The following UBE2G1 variants were observed in gnomAD, a reference collection of about 807,000 sequenced individuals.
The protein encoded by UBE2G1 is ubiquitin-conjugating enzyme E2 G1.
UBE2G1 carries 5 observed loss-of-function variants against 22.7 expected under a neutral mutation model. That is an observed-to-expected ratio of 0.22 (90% CI 0.12 to 0.46). The LOEUF (loss-of-function observed/expected upper bound fraction) is 0.46. Ranked by LOEUF, UBE2G1 falls within the 20% of genes least tolerant of loss-of-function variation. UBE2G1 has a pLI of 0.99. For synonymous variants in UBE2G1, 74 were observed against 67.5 expected (o/e 1.10, Z -0.47); for missense variants, 88 against 203.9 (o/e 0.43, Z 3.46).
intron 1 of UBE2G1, among the ~76,000 whole-genome samples, chr17:4,336,629 T>C (rs976054941): frequency 6.6e-6 from 1 of 151,998 alleles, no homozygotes; most frequent in Non-Finnish European, 1.5e-5. Context: ...CAGGTTCAAG[T>C]GATTCTCCTG....
intron 4 of UBE2G1, among the ~76,000 whole-genome samples, chr17:4,284,819 CTTTTCTTTTCTTTTCTTTCTTT>C: frequency 1.8e-5 from 1 of 56,670 alleles, no homozygotes; most frequent in African/African-American, 7.4e-5. Context: ...TTTTCTTTTT[CTTTTCTTTTCTTTTCTTTCTTT>C]TTTTTTTTTT....
chr17:4,294,743 C>T (rs947315068), intron 3 of UBE2G1, among the ~76,000 whole-genome samples: 5 of 151,874 alleles, frequency 3.3e-5, no homozygotes, highest in Admixed American at 6.6e-5. Context: ...GGTGAAACCC[C>T]GTCTTTACAA....
chr17:4,358,563 C>T (rs896309677), intron 1 of UBE2G1, among the ~76,000 whole-genome samples: 4 of 152,092 alleles, frequency 2.6e-5, no homozygotes, highest in Non-Finnish European at 4.4e-5. Context: ...TCTTTGCATC[C>T]TCTTAACAGT....
At chr17:4,344,783 C>T (rs1345306649) in intron 1 of UBE2G1, among the ~76,000 whole-genome samples, 1 of 152,062 alleles carries the variant, frequency 6.6e-6, no homozygotes, top group Non-Finnish European at 1.5e-5. Flanking sequence ...ATCACTTGAG[C>T]CCAGGGGTTT....
chr17:4,350,734 A>G (rs1969835060), intron 1 of UBE2G1, among the ~76,000 whole-genome samples: 1 of 152,064 alleles, frequency 6.6e-6, no homozygotes, highest in Admixed American at 6.6e-5. Flanking sequence ...AATCCAGCTC[A>G]TTTAAAAATA....
chr17:4,286,213 T>C (rs562060987), intron 4 of UBE2G1, among the ~76,000 whole-genome samples: 6 of 152,282 alleles, frequency 3.9e-5, no homozygotes, highest in African/African-American at 1.4e-4. Context: ...GAGACCAGCC[T>C]GGCCAACATG....
intron 1 of UBE2G1, among the ~76,000 whole-genome samples, chr17:4,333,160 G>C (rs1177322215): frequency 6.6e-6 from 1 of 152,190 alleles, no homozygotes; most frequent in African/African-American, 2.4e-5. Context: ...TAGGAATTTT[G>C]ATGGTTGAGG....
intron 3 of UBE2G1, among the ~76,000 whole-genome samples, chr17:4,290,881 T>C (rs2143699931): frequency 6.7e-6 from 1 of 149,486 alleles, no homozygotes; most frequent in South Asian, 2.1e-4. Flanking sequence ...GGCCGACAAA[T>C]ACTTTTTCAA....
At chr17:4,340,539 C>G (rs541753605) in intron 1 of UBE2G1, among the ~76,000 whole-genome samples, 3 of 152,098 alleles carry the variant, frequency 2.0e-5, no homozygotes, top group African/African-American at 7.2e-5. Context: ...TGAGTTCTCA[C>G]GAGATCTGAT....
chr17:4,304,170 A>AT (rs556950794), intron 2 of UBE2G1, among the ~76,000 whole-genome samples: 20 of 150,664 alleles, frequency 1.3e-4, no homozygotes, highest in East Asian at 3.9e-4. Context: ...TTATTTTTGT[A>AT]TTTTTTTTTG....
At chr17:4,299,479 C>A (rs1225067654) in intron 2 of UBE2G1, among the ~76,000 whole-genome samples, 1 of 152,220 alleles carries the variant, frequency 6.6e-6, no homozygotes, top group East Asian at 1.9e-4. Context: ...CTACTGGCAG[C>A]CACTTGCCAC....
At chr17:4,295,297 T>G (rs1435041856) in intron 3 of UBE2G1, among the ~76,000 whole-genome samples, 1 of 152,194 alleles carries the variant, frequency 6.6e-6, no homozygotes, top group Admixed American at 6.5e-5. Context: ...GTTAGAGATA[T>G]TTTCCTCTTC....
chr17:4,308,661 T>A (rs1361912469), intron 1 of UBE2G1, among the ~76,000 whole-genome samples: 1 of 152,230 alleles, frequency 6.6e-6, no homozygotes, highest in East Asian at 1.9e-4. Flanking sequence ...CCAGTGGAAC[T>A]GAGTACTCAT....
Position 4,366,401 on chromosome 17 carries a change from G to C in UBE2G1, c.-85C>G, listed in dbSNP as rs1339988579. ...GGGGGCGGCTGGAGCGGGGTGTGCC[G>C]AGGAACCCGGGCCCCGCGACCGGAG... is the stretch of plus-strand genomic sequence containing the variant. On this transcript the variant is annotated 5_prime_UTR_variant, in exon 1 of 6. Coordinates refer to ENST00000396981, the MANE Select transcript of UBE2G1 (RefSeq NM_003342.5). 7.6e-7 allele frequency: 1 copy of C among 1,314,436 alleles called. No individual in the cohort carries two copies. The highest frequency in any genetic ancestry group is 2.9e-5 in the East Asian group (1 of 34,148). 81.4% of individuals were successfully genotyped at this position (1,314,436 alleles called of 1,614,324 possible).
intron 1 of UBE2G1, among the ~76,000 whole-genome samples, chr17:4,309,668 T>G (rs1969285612): frequency 6.6e-6 from 1 of 152,200 alleles, no homozygotes; most frequent in Non-Finnish European, 1.5e-5. Context: ...ATTTCCAACC[T>G]TTTTCTAGAG....
In UBE2G1 at chr17:4,270,536, A is replaced by T. The variant is rs1025408385; in HGVS notation, c.*2018T>A. On this transcript the variant is annotated 3_prime_UTR_variant, in exon 6 of 6. Transcript: ENST00000396981. Reference sequence around the variant, plus strand: ...CTGCACTCCAGCCTGGGTGACAGAGAGACCCAGTTTCTTAAAAAAAAAAAA... The same window carrying T: ...CTGCACTCCAGCCTGGGTGACAGAGTGACCCAGTTTCTTAAAAAAAAAAAA... The T allele has an allele frequency of 7.0e-6, 1 of 142,284 alleles. No individual in the cohort carries two copies. Among genetic ancestry groups the T allele is most frequent in the Non-Finnish European group, 1.5e-5 (1 of 65,346 alleles). The allele number at this position is 142,284 out of a possible 1,614,324, so 8.8% of individuals were successfully genotyped here. A position where few individuals can be genotyped will look rare whatever the true frequency, so the allele number is the denominator to read the frequency against.
intron 1 of UBE2G1, among the ~76,000 whole-genome samples, chr17:4,360,833 C>A (rs1488155763): frequency 6.6e-6 from 1 of 152,166 alleles, no homozygotes; most frequent in Non-Finnish European, 1.5e-5. Context: ...ATCACTTGAA[C>A]CTGGGGAGGC....
intron 1 of UBE2G1, among the ~76,000 whole-genome samples, chr17:4,350,659 G>A (rs1345682985): frequency 6.6e-6 from 1 of 152,170 alleles, no homozygotes; most frequent in African/African-American, 2.4e-5. Context: ...ATCACTCTTA[G>A]ATGATGCAGC....
At chr17:4,308,362 TATAA>T (rs1233238958) in intron 1 of UBE2G1, among the ~76,000 whole-genome samples, 1 of 150,284 alleles carries the variant, frequency 6.7e-6, no homozygotes, top group East Asian at 2.0e-4. Context: ...TCAAAAAATA[TATAA>T]ATAAATAAAT....
Sources: gnomAD v4.1 joint callset for allele counts (sites outside exome capture counted in the v4.1 genomes callset) on GRCh38, gnomAD v4.1.1 for gene constraint, MANE v1.5 for transcripts, NCBI Gene and HGNC (gene_info 2026-07-23, HGNC 2026-07-21) for gene names.